PLXDC2: variants seen among roughly 807,000 people sequenced by gnomAD.
PLXDC2 encodes plexin domain containing 2.
A neutral mutation model predicts 68.9 loss-of-function variants in PLXDC2; 40 were observed. The ratio of observed to expected loss-of-function variants is 0.58; its 90% CI spans 0.45 to 0.76. The LOEUF is 0.76. PLXDC2 is among the 30% of genes least tolerant of loss of function. The pLI, the probability that PLXDC2 is intolerant of heterozygous loss-of-function variation, is 0.00. For synonymous variants in PLXDC2, 243 were observed against 234.2 expected, an observed-to-expected ratio of 1.04 and a Z score of -0.34; for missense variants, 644 against 661.9, an observed-to-expected ratio of 0.97 and a Z score of 0.30.
At chr10:20,185,914 T>C (rs1834676286) in intron 9 of PLXDC2, among the ~76,000 whole-genome samples, 1 of 151,960 alleles carries the variant, frequency 6.6e-6, no homozygotes. Context: ...CAGATAGACA[T>C]TTAGAACTCA....
At chr10:20,081,209 G>A (rs889594545) in intron 4 of PLXDC2, among the ~76,000 whole-genome samples, 1 of 152,090 alleles carries the variant, frequency 6.6e-6, no homozygotes, top group South Asian at 2.1e-4. Flanking sequence ...GCTCACATGA[G>A]GGAGAAATAA....
At chr10:20,221,402 A>T (rs939173812) in intron 12 of PLXDC2, among the ~76,000 whole-genome samples, 4 of 152,200 alleles carry the variant, frequency 2.6e-5, no homozygotes, top group African/African-American at 9.7e-5. Context: ...GATGATATTT[A>T]CATAATTGAT....
chr10:19,822,093 A>T (rs1836477266), intron 1 of PLXDC2, among the ~76,000 whole-genome samples: 1 of 151,708 alleles, frequency 6.6e-6, no homozygotes, highest in Non-Finnish European at 1.5e-5. Context: ...CACAAATAGC[A>T]AGATCTTCTT....
chr10:20,096,004 A>G (rs1833344219), intron 4 of PLXDC2, among the ~76,000 whole-genome samples: 1 of 152,160 alleles, frequency 6.6e-6, no homozygotes, highest in Non-Finnish European at 1.5e-5. Context: ...GAGACATAGT[A>G]TGCAGTTTTT....
At chr10:20,237,442 G>T (rs1213770594) in intron 12 of PLXDC2, among the ~76,000 whole-genome samples, 1 of 152,144 alleles carries the variant, frequency 6.6e-6, no homozygotes, top group African/African-American at 2.4e-5. Context: ...AACTCTGAAT[G>T]AAGTCAAGGT....
At chr10:20,150,214 T>C (rs1049229739) in intron 6 of PLXDC2, among the ~76,000 whole-genome samples, 2 of 152,212 alleles carry the variant, frequency 1.3e-5, no homozygotes, top group African/African-American at 4.8e-5. Flanking sequence ...TACAGAATCT[T>C]CCCTGCCCTA....
At chr10:20,158,646 G>T (rs1175466613) in intron 6 of PLXDC2, among the ~76,000 whole-genome samples, 1 of 151,478 alleles carries the variant, frequency 6.6e-6, no homozygotes, top group African/African-American at 2.4e-5. Context: ...CTGGGCAACA[G>T]AATGAGACTC....
chr10:20,035,555 G>C (rs1372669443), intron 2 of PLXDC2, among the ~76,000 whole-genome samples: 1 of 151,878 alleles, frequency 6.6e-6, no homozygotes, highest in Non-Finnish European at 1.5e-5. Flanking sequence ...AATTAGCTGG[G>C]CATGGTGGTG....
intron 1 of PLXDC2, among the ~76,000 whole-genome samples, chr10:19,853,579 C>T (rs373916841): frequency 2.4e-4 from 36 of 150,610 alleles, no homozygotes; most frequent in African/African-American, 8.5e-4. Context: ...CTTCTCTTTC[C>T]CCTTCGAGTT....
At chr10:19,987,337 C>G (rs1834658558) in intron 1 of PLXDC2, among the ~76,000 whole-genome samples, 1 of 152,032 alleles carries the variant, frequency 6.6e-6, no homozygotes. Flanking sequence ...TTCTTTTTTC[C>G]TTTTCCTAGT....
Position 20,230,278 on chromosome 10 carries a change from A to T in PLXDC2, c.1312+11176A>T, listed in dbSNP as rs1835343571. Among the ~76,000 whole-genome samples, 3 of 152,212 alleles carry T rather than the reference A, an allele frequency of 2.0e-5. No homozygotes were observed. In the South Asian group the frequency reaches 6.2e-4, roughly 31 times the overall value. ...ATAGAAAAATATGTACACTGCAAAT[A>T]TAACCACAGAAAAGCTGGAATGCCT... On this transcript the variant is annotated intron_variant, in intron 12 of 13. Coordinates refer to ENST00000377252, the MANE Select transcript of PLXDC2 (RefSeq NM_032812.9).
intron 1 of PLXDC2, among the ~76,000 whole-genome samples, chr10:19,893,450 T>C (rs1838002006): frequency 6.6e-6 from 1 of 152,316 alleles, no homozygotes; most frequent in South Asian, 2.1e-4. Flanking sequence ...ATTTTTGTAA[T>C]GGTCATTCTC....
intron 1 of PLXDC2, among the ~76,000 whole-genome samples, chr10:19,973,605 AC>A (rs1397765136): frequency 6.6e-6 from 1 of 152,170 alleles, no homozygotes; most frequent in Non-Finnish European, 1.5e-5. Context: ...CAAAAGACAT[AC>A]GTTTTAGGTT....
chr10:19,964,503 T>C (rs1483774969), intron 1 of PLXDC2, among the ~76,000 whole-genome samples: 4 of 152,094 alleles, frequency 2.6e-5, no homozygotes, highest in Non-Finnish European at 1.5e-5. Context: ...AGCAATACAC[T>C]GAAAGGAGTT....
chr10:20,044,170 TTTCTTTCC>T (rs1835737319), intron 2 of PLXDC2, among the ~76,000 whole-genome samples: 1 of 110,308 alleles, frequency 9.1e-6, no homozygotes, highest in Non-Finnish European at 1.9e-5. Flanking sequence ...TTCCTCTTTC[TTTCTTTCC>T]TTCTTTCTTT....
intron 1 of PLXDC2, among the ~76,000 whole-genome samples, chr10:19,873,055 G>A (rs1201179947): frequency 1.3e-5 from 2 of 152,120 alleles, no homozygotes; most frequent in East Asian, 1.9e-4. Flanking sequence ...ACAGCAAAAC[G>A]GTCGGTACAG....
intron 1 of PLXDC2, among the ~76,000 whole-genome samples, chr10:19,971,234 T>A (rs1834346300): frequency 6.6e-6 from 1 of 152,176 alleles, no homozygotes; most frequent in African/African-American, 2.4e-5. Context: ...AAGAAGCTCT[T>A]GAGAATGAGA....
intron 5 of PLXDC2, 21 bp from the exon 6 acceptor site, chr10:20,147,763 C>G (rs776109619): frequency 2.1e-6 from 3 of 1,435,278 alleles, no homozygotes; most frequent in Admixed American, 1.9e-5. Context: ...TGCATTTCTT[C>G]TTTTTTCAAT....
chr10:20,043,465 G>C (rs547966350), intron 2 of PLXDC2: 3 of 152,200 alleles, frequency 2.0e-5, no homozygotes, highest in Non-Finnish European at 4.4e-5. Flanking sequence ...ATAACTTCAA[G>C]ACTCTTTCTT....
Sources: gnomAD v4.1 joint callset for allele counts (sites outside exome capture counted in the v4.1 genomes callset) on GRCh38, gnomAD v4.1.1 for gene constraint, MANE v1.5 for transcripts, NCBI Gene and HGNC (gene_info 2026-07-23, HGNC 2026-07-21) for gene names.